SPIDR: variants seen among roughly 807,000 people sequenced by gnomAD.
SPIDR encodes the protein DNA repair-scaffolding protein.
Under a neutral mutation model 104.6 loss-of-function variants are expected in SPIDR, and 93 were observed. The ratio of observed to expected loss-of-function variants is 0.89; its 90% confidence interval spans 0.75 to 1.06. The LOEUF (loss-of-function observed/expected upper bound fraction) is 1.06. SPIDR is among the 50% of genes least tolerant of loss of function. The pLI is 0.00. For synonymous variants in SPIDR, 431 were observed against 416.9 expected (o/e 1.03, Z -0.41); for missense variants, 1,154 against 1,111.2 (o/e 1.04, Z -0.55).
intron 5 of SPIDR, among the ~76,000 whole-genome samples, chr8:47,320,089 A>G (rs1486671691): frequency 1.3e-5 from 2 of 152,174 alleles, no homozygotes; most frequent in Non-Finnish European, 2.9e-5. Flanking sequence ...GCAAGAAATA[A>G]CTAAGATCAG....
intron 5 of SPIDR, among the ~76,000 whole-genome samples, chr8:47,347,510 T>C (rs1361395598): frequency 1.3e-5 from 2 of 152,192 alleles, no homozygotes; most frequent in Non-Finnish European, 2.9e-5. Context: ...CTTGTTAACT[T>C]TCTGTCTCGT....
rs748109461 is a variant in SPIDR, at chr8:47,713,650, C to G, written c.2341+9C>G. 1 of 1,613,642 alleles carries G rather than the reference C, an allele frequency of 6.2e-7. No individual in the cohort carries two copies. ...CATCTGCAGTGTTCAAGGTAGGCAG[C>G]CATCTCACAGGAATTGGTGCTTATA... On this transcript the variant is annotated intron_variant, in intron 16 of 19. Transcript: ENST00000297423.
chr8:47,393,268 T>A (rs532418042), intron 5 of SPIDR, among the ~76,000 whole-genome samples: 2 of 152,184 alleles, frequency 1.3e-5, no homozygotes, highest in African/African-American at 4.8e-5. Context: ...TGTTATTGCA[T>A]CCTTTTCCTC....
At chr8:47,458,004 T>C (rs1023570543) in intron 8 of SPIDR, among the ~76,000 whole-genome samples, 22 of 152,344 alleles carry the variant, frequency 1.4e-4, no homozygotes, top group Non-Finnish European at 2.5e-4. Flanking sequence ...GGCCTTATAG[T>C]CTAGTTTGAA....
At chr8:47,404,356 T>C (rs2062394092) in intron 6 of SPIDR, among the ~76,000 whole-genome samples, 1 of 152,212 alleles carries the variant, frequency 6.6e-6, no homozygotes, top group African/African-American at 2.4e-5. Flanking sequence ...AAGTGGGATC[T>C]AATTAAACTA....
At chr8:47,330,600 G>T (rs2048492193) in intron 5 of SPIDR, among the ~76,000 whole-genome samples, 2 of 152,108 alleles carry the variant, frequency 1.3e-5, no homozygotes, top group Non-Finnish European at 2.9e-5. Flanking sequence ...CATACAGTTG[G>T]AATCATATAG....
At chr8:47,611,548 A>C (rs1247372293) in intron 10 of SPIDR, among the ~76,000 whole-genome samples, 1 of 152,106 alleles carries the variant, frequency 6.6e-6, no homozygotes, top group African/African-American at 2.4e-5. Flanking sequence ...AATACAAAAA[A>C]TTAGCCAGGC....
At chr8:47,610,629 T>A (rs1050655056) in intron 10 of SPIDR, among the ~76,000 whole-genome samples, 2 of 152,226 alleles carry the variant, frequency 1.3e-5, no homozygotes, top group African/African-American at 4.8e-5. Context: ...GCTGATTTCT[T>A]GGCTCCACAG....
chr8:47,558,785 G>A (rs1279258774), intron 8 of SPIDR, among the ~76,000 whole-genome samples: 2 of 151,956 alleles, frequency 1.3e-5, no homozygotes, highest in Non-Finnish European at 2.9e-5. Context: ...GACTACAGGC[G>A]CCCACCACCA....
chr8:47,448,830 G>T (rs1300813992), intron 8 of SPIDR, among the ~76,000 whole-genome samples: 2 of 152,120 alleles, frequency 1.3e-5, no homozygotes, highest in Non-Finnish European at 2.9e-5. Context: ...GAGACCACAT[G>T]AGTAAAGACC....
intron 10 of SPIDR, among the ~76,000 whole-genome samples, chr8:47,643,080 A>G (rs1334596211): frequency 1.3e-5 from 2 of 152,218 alleles, no homozygotes; most frequent in Non-Finnish European, 2.9e-5. Context: ...ATTGAAAATC[A>G]TTGTTAGTAT....
intron 8 of SPIDR, among the ~76,000 whole-genome samples, chr8:47,578,204 G>A (rs2059341752): frequency 1.3e-5 from 2 of 152,222 alleles, no homozygotes; most frequent in African/African-American, 4.8e-5. Flanking sequence ...CGGGTGCGGT[G>A]GCTCACGCCT....
At chr8:47,347,149 T>C (rs1554618775) in intron 5 of SPIDR, among the ~76,000 whole-genome samples, 2 of 152,188 alleles carry the variant, frequency 1.3e-5, no homozygotes, top group East Asian at 1.9e-4. Context: ...ATGTTGTGTC[T>C]TTGTTCTCAC....
chr8:47,407,874 G>T lies in SPIDR; in HGVS notation c.790G>T (p.Glu264Ter), dbSNP rs1468826999. The T allele has an allele frequency of 1.9e-6, 3 of 1,596,342 alleles. No homozygotes were observed. Among genetic ancestry groups the T allele is most frequent in the Non-Finnish European group, 2.6e-6 (3 of 1,168,240 alleles). The change falls in exon 7 of 20, where the codon GAA becomes TAA. Residue 264 changes from glutamate (E) to a stop codon, truncating the protein, a stop_gained. Coordinates refer to ENST00000297423, the MANE Select transcript of SPIDR (RefSeq NM_001080394.4). LOFTEE classifies it high-confidence loss of function. ...TTCATTAAACAGAGGTGGACTAGCA[G>T]AAAGACTAAATGGACTGCAGAATCG... is the stretch of plus-strand genomic sequence containing the variant. ...KKKLLRGGLA[E>*]RLNGLQNRER...
chr8:47,370,593 C>T (rs1422853360), intron 5 of SPIDR, among the ~76,000 whole-genome samples: 4 of 151,284 alleles, frequency 2.6e-5, no homozygotes, highest in Admixed American at 1.3e-4. Flanking sequence ...ATTACAGGTG[C>T]GCGCCATCAT....
intron 8 of SPIDR, among the ~76,000 whole-genome samples, chr8:47,538,140 A>G (rs1263839302): frequency 6.6e-6 from 1 of 152,162 alleles, no homozygotes; most frequent in Non-Finnish European, 1.5e-5. Context: ...GTGCCACTGT[A>G]TTCCAGCCTG....
chr8:47,333,529 C>T (rs1554606160), intron 5 of SPIDR, among the ~76,000 whole-genome samples: 1 of 151,970 alleles, frequency 6.6e-6, no homozygotes, highest in Admixed American at 6.6e-5. Flanking sequence ...GTCTCAAACT[C>T]CTGACCTCAG....
intron 10 of SPIDR, among the ~76,000 whole-genome samples, chr8:47,604,282 A>G (rs1186558768): frequency 1.3e-5 from 2 of 152,188 alleles, no homozygotes; most frequent in African/African-American, 2.4e-5. Context: ...TACCTTTGAA[A>G]AGCTCTTGGA....
intron 6 of SPIDR, among the ~76,000 whole-genome samples, chr8:47,403,610 A>G (rs1490943970): frequency 6.6e-6 from 1 of 152,202 alleles, no homozygotes; most frequent in Non-Finnish European, 1.5e-5. Flanking sequence ...CAATTGCTTC[A>G]AAAAGAATAA....
Sources: allele counts gnomAD v4.1 joint callset (sites outside exome capture counted in the v4.1 genomes callset), GRCh38; gene constraint gnomAD v4.1.1; transcripts MANE v1.5; gene names NCBI Gene and HGNC (gene_info 2026-07-23, HGNC 2026-07-21).